The following TBC1D20 variants were observed in gnomAD, a reference collection of about 807,000 sequenced individuals.
The protein encoded by TBC1D20 is chromosome 20 open reading frame 140.
Under a neutral mutation model 41.6 loss-of-function variants are expected in TBC1D20, and 12 were observed. The ratio of observed to expected loss-of-function variants is 0.29; its 90% CI spans 0.18 to 0.47. TBC1D20 has a LOEUF of 0.47. Among genes scored for constraint, TBC1D20 ranks in the 20% least tolerant of loss-of-function variants. TBC1D20 has a pLI of 1.00. For synonymous variants in TBC1D20, 205 were observed against 204.8 expected (o/e 1.00, Z -0.01); for missense variants, 421 against 517.4 (o/e 0.81, Z 1.81).
intron 1 of TBC1D20, among the ~76,000 whole-genome samples, chr20:458,364 A>G: frequency 6.7e-6 from 1 of 148,630 alleles, no homozygotes. Flanking sequence ...CCCAGGCTGG[A>G]GAATAGTGGC....
Position 448,380 on chromosome 20 carries a change from AGTT to A in TBC1D20, c.71-309_71-307del, listed in dbSNP as rs1412513478. Among the ~76,000 whole-genome samples the A allele has an allele frequency of 8.5e-5, 13 of 152,126 alleles. No homozygotes were observed. The South Asian group carries it at 1.0e-3, about 12-fold the overall frequency. On this transcript the variant is annotated intron_variant, in intron 1 of 7. Transcript: ENST00000354200. ...TAGGCACAGACTGGAAATAATTATT[AGTT>A]GTTGTTGTTTTTAAGAGACAGTGTC...
chr20:457,887 T>G (rs1349129067), intron 1 of TBC1D20, among the ~76,000 whole-genome samples: 1 of 152,190 alleles, frequency 6.6e-6, no homozygotes, highest in Non-Finnish European at 1.5e-5. Context: ...ATAACATCGG[T>G]GGAGGCAAAC....
intron 1 of TBC1D20, among the ~76,000 whole-genome samples, chr20:460,846 A>G (rs1335473340): frequency 6.6e-6 from 1 of 152,218 alleles, no homozygotes; most frequent in African/African-American, 2.4e-5. Context: ...AAATCAAGGA[A>G]ACTAGAGGGG....
intron 1 of TBC1D20, among the ~76,000 whole-genome samples, chr20:453,153 C>CAAAAAAAAA (rs71191943): frequency 3.3e-4 from 15 of 44,838 alleles, no homozygotes; most frequent in East Asian, 1.1e-3. Context: ...AACTCCGTTT[C>CAAAAAAAAA]AAAAAAAAAA....
rs1215651621 is a variant in TBC1D20 at position 441,621 on chromosome 20, TG to T, written c.592del (p.Gln198ArgfsTer2). 6.2e-7 allele frequency: 1 copy of T among 1,614,208 alleles called. No individual in the cohort carries two copies. Among genetic ancestry groups the T allele is most frequent in the African/African-American group, 1.3e-5 (1 of 75,050 alleles). On this transcript the variant is annotated frameshift_variant, in exon 5 of 8. Coordinates refer to ENST00000354200, the MANE Select transcript of TBC1D20 (RefSeq NM_144628.4). LOFTEE classifies it high-confidence loss of function. Reference sequence around the variant, plus strand: ...GAAGTCATGGAGCTCTGGATTCACCTGGTCAATGATGGGCATCAGATAGTTT... The same window carrying T: ...GAAGTCATGGAGCTCTGGATTCACCTGTCAATGATGGGCATCAGATAGTTT... ...ILNYLMPIID[Q>X]VNPELHDFMQ...
chr20:447,564 A>T (rs1227296269), intron 2 of TBC1D20, among the ~76,000 whole-genome samples: 7 of 152,084 alleles, frequency 4.6e-5, no homozygotes, highest in Non-Finnish European at 1.0e-4. Flanking sequence ...AGGCTGAGGC[A>T]GGAAAATTGC....
intron 1 of TBC1D20, among the ~76,000 whole-genome samples, chr20:451,241 G>A (rs902783539): frequency 2.6e-5 from 4 of 152,114 alleles, no homozygotes; most frequent in Admixed American, 1.3e-4. Context: ...AGTGTAAGAC[G>A]ACCTTTTTAA....
At chr20:440,606 T>C (rs867756183) in intron 5 of TBC1D20, 2 of 526,936 alleles carry the variant, frequency 3.8e-6, no homozygotes, top group Middle Eastern at 5.1e-4. Context: ...GGCTGCTTTA[T>C]CTCACTGGGT....
intron 1 of TBC1D20, among the ~76,000 whole-genome samples, chr20:461,949 C>T (rs1368481924): frequency 6.6e-6 from 1 of 152,238 alleles, no homozygotes; most frequent in South Asian, 2.1e-4. Context: ...AGAGCTGATA[C>T]CCCTCGGGGA....
intron 3 of TBC1D20, among the ~76,000 whole-genome samples, chr20:444,008 G>A (rs530823446): frequency 2.0e-5 from 3 of 152,124 alleles, no homozygotes; most frequent in African/African-American, 4.8e-5. Flanking sequence ...GCGGGCACCT[G>A]TAATCCCAGC....
At chr20:458,330 T>TA (rs1491218277) in intron 1 of TBC1D20, among the ~76,000 whole-genome samples, 1 of 147,370 alleles carries the variant, frequency 6.8e-6, no homozygotes, top group Non-Finnish European at 1.5e-5. Flanking sequence ...TTTTTTTTTT[T>TA]AGAGACAGGG....
rs1477873215 is a variant in TBC1D20 at position 439,031 on chromosome 20, C to A, written c.956+77G>T. The A allele has an allele frequency of 2.0e-6, 3 of 1,531,948 alleles. No homozygotes were observed. In the African/African-American group the frequency reaches 4.1e-5, roughly 21 times the overall value. 94.9% of individuals were successfully genotyped at this position (1,531,948 alleles called of 1,614,324 possible). On this transcript the variant is annotated intron_variant, in intron 7 of 7. Coordinates refer to ENST00000354200, the MANE Select transcript of TBC1D20 (RefSeq NM_144628.4). This position sits in a 1 kb window ranked among gnomAD's most constrained non-coding sequence, Gnocchi z 4.6. ...TCTGGAAACATGCCCCAACCCTATC[C>A]CACCAGACACAAACCTTCCCTCGCT...
At chr20:455,217 T>C (rs2017519850) in intron 1 of TBC1D20, among the ~76,000 whole-genome samples, 1 of 152,176 alleles carries the variant, frequency 6.6e-6, no homozygotes, top group Non-Finnish European at 1.5e-5. Context: ...ATCTTCCTGG[T>C]TTATACCTAG....
intron 5 of TBC1D20, 115 bp from the exon 6 acceptor site, chr20:440,504 A>G: frequency 1.5e-6 from 2 of 1,331,944 alleles, no homozygotes; most frequent in Non-Finnish European, 2.0e-6. Context: ...TGGAAAATTC[A>G]GTTACCTAGG....
chr20:442,233 G>A (rs922510039), intron 3 of TBC1D20, among the ~76,000 whole-genome samples, 190 bp from the exon 4 acceptor site: 1 of 152,250 alleles, frequency 6.6e-6, no homozygotes, highest in African/African-American at 2.4e-5. Flanking sequence ...CTTTCCAGTA[G>A]GGGAAGCTGC....
intron 1 of TBC1D20, among the ~76,000 whole-genome samples, chr20:451,234 G>T (rs1028077516): frequency 2.0e-5 from 3 of 152,184 alleles, no homozygotes; most frequent in Non-Finnish European, 4.4e-5. Flanking sequence ...TCCTTGCAGT[G>T]TAAGACGACC....
At chr20:443,228 A>G (rs900004246) in intron 3 of TBC1D20, among the ~76,000 whole-genome samples, 1 of 152,228 alleles carries the variant, frequency 6.6e-6, no homozygotes, top group African/African-American at 2.4e-5. Flanking sequence ...AAATAAAAAA[A>G]TTTTAAAGTT....
intron 1 of TBC1D20, among the ~76,000 whole-genome samples, chr20:449,949 A>C (rs1027743357): frequency 1.1e-4 from 16 of 152,232 alleles, no homozygotes; most frequent in Admixed American, 3.3e-4. Context: ...AGTTAGTGTC[A>C]ATGTTTTCAT....
At position 443,079 on chromosome 20, in the gene TBC1D20, G is replaced by A. The variant is rs185321215; in HGVS notation, c.338-1036C>T. On this transcript the variant is annotated intron_variant, in intron 3 of 7. Coordinates refer to ENST00000354200, the MANE Select transcript of TBC1D20 (RefSeq NM_144628.4). Reference sequence around the variant, plus strand: ...CGTGCCACTGCACTGCAGCCCGGGCGAGAGAGCAAGACTCCGTCTCCAAGA... The same window carrying A: ...CGTGCCACTGCACTGCAGCCCGGGCAAGAGAGCAAGACTCCGTCTCCAAGA... 4.0e-4 allele frequency among the ~76,000 whole-genome samples: 61 copies of A among 152,192 alleles called. 1 individual carries two copies. In the East Asian group the frequency reaches 9.3e-3, roughly 23 times the overall value.
Sources: gnomAD v4.1 joint callset for allele counts (sites outside exome capture counted in the v4.1 genomes callset) on GRCh38, gnomAD v4.1.1 for gene constraint, Gnocchi (gnomAD v3.1) non-coding constraint, MANE v1.5 for transcripts, NCBI Gene and HGNC (gene_info 2026-07-23, HGNC 2026-07-21) for gene names.